Variants in PHF24 observed in about 807,000 individuals in gnomAD.
PHF24 encodes PHD finger protein 24.
A neutral mutation model predicts 42.6 loss-of-function variants in PHF24; 25 were observed. That is an observed-to-expected ratio of 0.59 (90% CI 0.43 to 0.82). PHF24 has a LOEUF of 0.82. Among genes scored for constraint, PHF24 ranks in the 40% least tolerant of loss-of-function variants. The pLI, the probability that PHF24 is intolerant of heterozygous loss-of-function variation, is 0.00. For missense variants in PHF24, 470 were observed against 538.1 expected, an observed-to-expected ratio of 0.87 and a Z score of 1.25; for synonymous variants, 185 against 204.8, an observed-to-expected ratio of 0.90 and a Z score of 0.83.
the PHF24 span, among the ~76,000 whole-genome samples, chr9:34,712,402 TCTC>T: frequency 8.8e-4 from 134 of 152,242 alleles, no homozygotes; most frequent in African/African-American, 3.1e-3. Context: ...TTCCCTCTCT[TCTC>T]CTCCTGAGAC....
the PHF24 span, among the ~76,000 whole-genome samples, chr9:34,802,349 C>T: frequency 2.0e-5 from 3 of 152,134 alleles, no homozygotes; most frequent in African/African-American, 7.2e-5. Context: ...AGTGGTCGTT[C>T]CAGTAATGGC....
intron 1 of PHF24, among the ~76,000 whole-genome samples, chr9:34,971,037 G>T (rs1305955503): frequency 6.6e-6 from 1 of 152,008 alleles, no homozygotes; most frequent in African/African-American, 2.4e-5. Context: ...AATCACTAAA[G>T]CCCAGGAGTT....
the PHF24 span, among the ~76,000 whole-genome samples, chr9:34,921,377 CA>C: frequency 1.3e-5 from 2 of 151,572 alleles, no homozygotes; most frequent in African/African-American, 2.4e-5. Context: ...ATCACAAAAG[CA>C]AAAAACCTAA....
chr9:34,978,453 G>A (rs1427730014), exon 8 of PHF24: 2 of 261,496 alleles, frequency 7.6e-6, no homozygotes, highest in Admixed American at 9.5e-5. Flanking sequence ...GGTTGAGAAA[G>A]GACCAAAGTC....
the PHF24 span, among the ~76,000 whole-genome samples, chr9:34,760,064 C>T: frequency 6.6e-6 from 1 of 152,124 alleles, no homozygotes; most frequent in African/African-American, 2.4e-5. Context: ...CACATTTGCC[C>T]TTACTGCCTC....
the PHF24 span, among the ~76,000 whole-genome samples, chr9:34,682,223 TC>T: frequency 7.1e-6 from 1 of 141,558 alleles, no homozygotes; most frequent in African/African-American, 2.6e-5. Flanking sequence ...GAAATGATCC[TC>T]CTGCTTTGGC....
the PHF24 span, among the ~76,000 whole-genome samples, chr9:34,842,721 A>G: frequency 4.6e-5 from 7 of 152,190 alleles, no homozygotes; most frequent in South Asian, 2.1e-4. Flanking sequence ...TCTGTTCTTT[A>G]TAAGTTGCCC....
chr9:34,814,262 G>GT, the PHF24 span, among the ~76,000 whole-genome samples: 3 of 152,216 alleles, frequency 2.0e-5, no homozygotes, highest in Admixed American at 6.5e-5. Context: ...GTTTTGTCTT[G>GT]TTTTTTCTTA....
the PHF24 span, among the ~76,000 whole-genome samples, chr9:34,717,260 A>G: frequency 0.51 from 75,188 of 147,692 alleles, 19,527 homozygotes; most frequent in East Asian, 0.65. Flanking sequence ...AGGTGTGGTC[A>G]ATAAGGTTGG....
chr9:34,922,478 T>G, the PHF24 span: 1 of 1,335,066 alleles, frequency 7.5e-7, no homozygotes, highest in Non-Finnish European at 1.1e-6. Flanking sequence ...CTTCTTGGTG[T>G]GCTTGTTGTG....
At chr9:34,730,844 T>A in the PHF24 span, among the ~76,000 whole-genome samples, 1 of 152,326 alleles carries the variant, frequency 6.6e-6, no homozygotes. Context: ...ATCTAGGGAA[T>A]GGGCCATGGA....
At chr9:34,952,385 TGGGGAGATATG>T in the PHF24 span, among the ~76,000 whole-genome samples, 1 of 152,180 alleles carries the variant, frequency 6.6e-6, no homozygotes, top group Non-Finnish European at 1.5e-5. Context: ...CCTAACTAAA[TGGGGAGATATG>T]CCGTATTCAT....
At chr9:34,935,904 G>A in the PHF24 span, among the ~76,000 whole-genome samples, 1 of 151,980 alleles carries the variant, frequency 6.6e-6, no homozygotes, top group African/African-American at 2.4e-5. Context: ...GATACACTGT[G>A]GAAGCTGCAG....
chr9:34,668,483 C>A, the PHF24 span, among the ~76,000 whole-genome samples: 1 of 152,126 alleles, frequency 6.6e-6, no homozygotes, highest in Non-Finnish European at 1.5e-5. Context: ...TCACACAGGA[C>A]GTAAAGTCAT....
the PHF24 span, among the ~76,000 whole-genome samples, chr9:34,719,529 G>A: frequency 6.6e-6 from 1 of 152,314 alleles, no homozygotes; most frequent in Admixed American, 6.5e-5. Flanking sequence ...CAACTTTGCT[G>A]AGAACTCAGA....
chr9:34,781,661 T>C, the PHF24 span, among the ~76,000 whole-genome samples: 1 of 152,098 alleles, frequency 6.6e-6, no homozygotes, highest in South Asian at 2.1e-4. Flanking sequence ...ACCCCTTGAA[T>C]TGTACACTTT....
At chr9:34,823,197 C>T in the PHF24 span, among the ~76,000 whole-genome samples, 17 of 99,576 alleles carry the variant, frequency 1.7e-4, no homozygotes, top group Non-Finnish European at 2.5e-4. Context: ...AGCGAGACTC[C>T]GTCTCAAAAA....
the PHF24 span, among the ~76,000 whole-genome samples, chr9:34,878,268 AG>A: frequency 6.6e-6 from 1 of 152,212 alleles, no homozygotes; most frequent in Non-Finnish European, 1.5e-5. Flanking sequence ...ATGGCCAAAT[AG>A]GAACACCTCC....
chr9:34,972,752 A>G lies in PHF24; in HGVS notation c.564+221A>G, dbSNP rs1330873233. Among the ~76,000 whole-genome samples, 3 of 152,054 alleles carry G rather than the reference A, an allele frequency of 2.0e-5. No individual in the cohort carries two copies. The East Asian group carries it at 5.8e-4, about 29-fold the overall frequency. On this transcript the variant is annotated intron_variant, in intron 3 of 7. Coordinates refer to ENST00000242315, the Ensembl canonical transcript of PHF24. ...AACATGGTGAAACCCCATCTCTACTAAAAATACAAAAATTAGCTGGGCGTG... is the reference window on the plus strand; with the variant it reads ...AACATGGTGAAACCCCATCTCTACTGAAAATACAAAAATTAGCTGGGCGTG...
Sources: allele counts gnomAD v4.1 joint callset (sites outside exome capture counted in the v4.1 genomes callset), GRCh38; gene constraint gnomAD v4.1.1; transcripts MANE v1.5; gene names NCBI Gene and HGNC (gene_info 2026-07-23, HGNC 2026-07-21).